Variants in RERE observed in about 807,000 individuals in gnomAD.
RERE encodes arginine-glutamic acid dipeptide repeats.
A neutral mutation model predicts 146.1 loss-of-function variants in RERE; 40 were observed. That is an observed-to-expected ratio of 0.27 (90% CI 0.21 to 0.36). The LOEUF is 0.36. Ranked by LOEUF, RERE falls within the 10% of genes least tolerant of loss-of-function variation. RERE has a pLI of 1.00. For synonymous variants in RERE, 1,003 were observed against 866.0 expected (o/e 1.16, Z -2.78); for missense variants, 1,933 against 2,138.7 (o/e 0.90, Z 1.90).
intron 12 of RERE, among the ~76,000 whole-genome samples, chr1:8,391,201 G>A (rs1348147129): frequency 6.6e-6 from 1 of 152,182 alleles, no homozygotes; most frequent in African/African-American, 2.4e-5. Flanking sequence ...GTGTTCAACA[G>A]CATGGACTTT....
chr1:8,690,490 A>T (rs567830121), intron 1 of RERE, among the ~76,000 whole-genome samples: 1 of 152,258 alleles, frequency 6.6e-6, no homozygotes, highest in Non-Finnish European at 1.5e-5. Context: ...GATTGTCTCT[A>T]GGCAGAAATT....
At chr1:8,731,364 C>T (rs754368471) in intron 1 of RERE, among the ~76,000 whole-genome samples, 45 of 152,244 alleles carry the variant, frequency 3.0e-4, no homozygotes, top group Middle Eastern at 3.4e-3. Context: ...CAAAGGCCCA[C>T]CTGCTAAGAA....
chr1:8,647,467 T>C (rs1647369533), intron 2 of RERE, among the ~76,000 whole-genome samples: 1 of 152,220 alleles, frequency 6.6e-6, no homozygotes, highest in Admixed American at 6.5e-5. Context: ...CTTTATGCTA[T>C]GTTACACAAA....
chr1:8,525,797 C>A, intron 7 of RERE: 2 of 1,596,544 alleles, frequency 1.3e-6, no homozygotes, highest in Non-Finnish European at 1.7e-6. Flanking sequence ...CTAACACGGG[C>A]TCTGGTGAGT....
At chr1:8,536,078 C>G (rs1168682911) in intron 7 of RERE, among the ~76,000 whole-genome samples, 1 of 150,218 alleles carries the variant, frequency 6.7e-6, no homozygotes, top group African/African-American at 2.5e-5. Flanking sequence ...TGCACTCCAG[C>G]CTGGCGATAG....
intron 1 of RERE, among the ~76,000 whole-genome samples, chr1:8,719,662 C>G (rs1195292666): frequency 6.6e-6 from 1 of 152,188 alleles, no homozygotes; most frequent in Admixed American, 6.5e-5. Context: ...ACACTGTATT[C>G]AAATAATCTT....
chr1:8,554,169 G>C (rs1222096930), intron 6 of RERE, among the ~76,000 whole-genome samples: 1 of 152,162 alleles, frequency 6.6e-6, no homozygotes, highest in Non-Finnish European at 1.5e-5. Context: ...CTGGGTGACA[G>C]AGCAACACCC....
intron 1 of RERE, among the ~76,000 whole-genome samples, chr1:8,682,214 A>G (rs1425178494): frequency 1.3e-5 from 2 of 152,168 alleles, no homozygotes; most frequent in African/African-American, 4.8e-5. Flanking sequence ...TCCCTTCTTT[A>G]TATTATAGGC....
intron 1 of RERE, among the ~76,000 whole-genome samples, chr1:8,733,156 T>G (rs1461779531): frequency 6.6e-6 from 1 of 152,036 alleles, no homozygotes; most frequent in Non-Finnish European, 1.5e-5. Context: ...TTCTAAAGTA[T>G]AAAGTTTATT....
chr1:8,791,530 A>G (rs1641363356), intron 1 of RERE, among the ~76,000 whole-genome samples: 1 of 152,236 alleles, frequency 6.6e-6, no homozygotes, highest in Admixed American at 6.5e-5. Flanking sequence ...TCCCTTATTA[A>G]CAGCCAAATG....
chr1:8,774,309 G>A (rs1243175261), intron 1 of RERE, among the ~76,000 whole-genome samples: 6 of 145,560 alleles, frequency 4.1e-5, no homozygotes, highest in South Asian at 4.3e-4. Context: ...CTCACTGCTT[G>A]TAGGAATTTA....
chr1:8,792,124 GAC>G (rs1476439457), intron 1 of RERE, among the ~76,000 whole-genome samples: 1 of 151,260 alleles, frequency 6.6e-6, no homozygotes, highest in Non-Finnish European at 1.5e-5. Context: ...AAAACAAAAA[GAC>G]AAAGTATAAG....
chr1:8,359,734 C>T (rs1351554198), intron 19 of RERE, 30 bp downstream of exon 19: 1 of 1,595,480 alleles, frequency 6.3e-7, no homozygotes, highest in Non-Finnish European at 8.5e-7. Context: ...ACCAGCGCCC[C>T]CCGTCACACC....
intron 4 of RERE, among the ~76,000 whole-genome samples, chr1:8,577,092 C>T (rs1646304304): frequency 6.6e-6 from 1 of 151,754 alleles, no homozygotes; most frequent in South Asian, 2.1e-4. Context: ...TGGCGTGAAC[C>T]CGGGAGGCGG....
chr1:8,404,115 C>A (rs1011646720), intron 12 of RERE, among the ~76,000 whole-genome samples: 1 of 151,886 alleles, frequency 6.6e-6, no homozygotes, highest in Admixed American at 6.6e-5. Flanking sequence ...AGGCCTGAGC[C>A]GCTGCACCCA....
chr1:8,686,896 T>C (rs1020471542), intron 1 of RERE, among the ~76,000 whole-genome samples: 1 of 152,090 alleles, frequency 6.6e-6, no homozygotes, highest in African/African-American at 2.4e-5. Flanking sequence ...CTACAGATAT[T>C]TGGAGAAACA....
intron 2 of RERE, among the ~76,000 whole-genome samples, chr1:8,643,375 G>GT (rs1166585681): frequency 6.6e-6 from 1 of 152,198 alleles, no homozygotes; most frequent in African/African-American, 2.4e-5. Context: ...CTGGAACACA[G>GT]TTTTTGAACA....
chr1:8,488,500 C>T (rs1307054493), intron 10 of RERE, among the ~76,000 whole-genome samples: 3 of 152,174 alleles, frequency 2.0e-5, no homozygotes, highest in Non-Finnish European at 4.4e-5. Context: ...CTCACCTCGG[C>T]CTCCCAAAGT....
chr1:8,534,208 T>C lies in RERE; in HGVS notation c.830+7006A>G, dbSNP rs562569782. ...TACAGGTGTTTTAGATTGTTAACTT[T>C]TCCACTTAAGTATAAAGATTTATGT... On this transcript the variant is annotated intron_variant, in intron 7 of 22. Transcript: ENST00000400908. 4.6e-5 allele frequency among the ~76,000 whole-genome samples: 7 copies of C among 152,326 alleles called. No individual in the cohort carries two copies. The East Asian group carries it at 1.3e-3, about 29-fold the overall frequency.
Sources: gnomAD v4.1 joint callset for allele counts (sites outside exome capture counted in the v4.1 genomes callset) on GRCh38, gnomAD v4.1.1 for gene constraint, MANE v1.5 for transcripts, NCBI Gene and HGNC (gene_info 2026-07-23, HGNC 2026-07-21) for gene names.